STARD3NL: variants seen among roughly 807,000 people sequenced by gnomAD.
STARD3NL encodes the protein STARD3 N-terminal-like protein.
Under a neutral mutation model 30.9 loss-of-function variants are expected in STARD3NL, and 17 were observed. The observed-to-expected ratio is 0.55, with a 90% confidence interval of 0.38 to 0.82. STARD3NL has a LOEUF of 0.82. Ranked by LOEUF, STARD3NL falls within the 40% of genes least tolerant of loss-of-function variation. The pLI is 0.00. For synonymous variants in STARD3NL, 112 were observed against 100.5 expected (o/e 1.11, Z -0.69); for missense variants, 234 against 277.6 (o/e 0.84, Z 1.12).
chr7:38,196,351 G>T (rs1784896808), intron 1 of STARD3NL, among the ~76,000 whole-genome samples: 1 of 152,088 alleles, frequency 6.6e-6, no homozygotes, highest in Non-Finnish European at 1.5e-5. Context: ...ACTTGAGCAT[G>T]TGCCTGTCAG....
intron 1 of STARD3NL, among the ~76,000 whole-genome samples, chr7:38,199,282 GA>G (rs1785067434): frequency 6.6e-6 from 1 of 152,144 alleles, no homozygotes; most frequent in African/African-American, 2.4e-5. Flanking sequence ...ACCCCGGATT[GA>G]ATATTTAATA....
chr7:38,203,772 G>C (rs1001939459), intron 1 of STARD3NL, among the ~76,000 whole-genome samples: 1 of 152,094 alleles, frequency 6.6e-6, no homozygotes, highest in African/African-American at 2.4e-5. Context: ...CAAAATAAAG[G>C]GATGGAGGAA....
At chr7:38,228,095 A>G (rs756346886) in intron 7 of STARD3NL, among the ~76,000 whole-genome samples, 4 of 152,148 alleles carry the variant, frequency 2.6e-5, no homozygotes, top group Non-Finnish European at 4.4e-5. Context: ...CTTACAGCGC[A>G]TGCATTTTTC....
At chr7:38,179,910 G>C (rs1784179441) in intron 1 of STARD3NL, among the ~76,000 whole-genome samples, 1 of 152,166 alleles carries the variant, frequency 6.6e-6, no homozygotes, top group Admixed American at 6.5e-5. Flanking sequence ...GTGTAAAGGA[G>C]CTAAAGGAAG....
intron 8 of STARD3NL, 41 bp downstream of exon 8, chr7:38,228,912 G>A: frequency 3.5e-6 from 5 of 1,438,784 alleles, no homozygotes; most frequent in East Asian, 2.3e-5. Context: ...AAGTAGTTAA[G>A]TATGGAGATT....
chr7:38,200,844 A>G (rs995618717), intron 1 of STARD3NL, among the ~76,000 whole-genome samples: 5 of 152,218 alleles, frequency 3.3e-5, no homozygotes, highest in South Asian at 2.1e-4. Flanking sequence ...GTGTGCTGCA[A>G]GAGGCCATAT....
At chr7:38,224,572 C>A (rs769712430) in intron 7 of STARD3NL, among the ~76,000 whole-genome samples, 1 of 152,176 alleles carries the variant, frequency 6.6e-6, no homozygotes, top group Non-Finnish European at 1.5e-5. Flanking sequence ...CCCACACTCT[C>A]CTGCTTCGTC....
At chr7:38,215,288 A>G (rs997354858) in intron 4 of STARD3NL, 183 bp downstream of exon 4, 35 of 562,640 alleles carry the variant, frequency 6.2e-5, no homozygotes, top group Admixed American at 3.0e-4. Flanking sequence ...TCCAATGTTA[A>G]TGAGTAACTA....
At chr7:38,203,811 A>C (rs1785305197) in intron 1 of STARD3NL, among the ~76,000 whole-genome samples, 1 of 152,216 alleles carries the variant, frequency 6.6e-6, no homozygotes, top group African/African-American at 2.4e-5. Context: ...AAAACAAAAA[A>C]AGGCAGGGGT....
chr7:38,223,478 A>T (rs1350561470), intron 7 of STARD3NL, among the ~76,000 whole-genome samples: 1 of 152,194 alleles, frequency 6.6e-6, no homozygotes, highest in Non-Finnish European at 1.5e-5. Flanking sequence ...ACTTAAAATG[A>T]GGAATTGCTC....
chr7:38,206,332 T>A (rs1308255478), intron 1 of STARD3NL, among the ~76,000 whole-genome samples: 3 of 152,188 alleles, frequency 2.0e-5, no homozygotes, highest in Non-Finnish European at 2.9e-5. Context: ...TCTGCCCACG[T>A]TACATGCCAC....
intron 8 of STARD3NL, among the ~76,000 whole-genome samples, chr7:38,229,428 A>G (rs893628765): frequency 2.6e-5 from 4 of 152,268 alleles, no homozygotes; most frequent in African/African-American, 9.6e-5. Context: ...AGTCATGCTT[A>G]ATGGGCTCCA....
chr7:38,227,715 A>C (rs984673889), intron 7 of STARD3NL, among the ~76,000 whole-genome samples: 1 of 152,068 alleles, frequency 6.6e-6, no homozygotes. Flanking sequence ...CCATGCATTT[A>C]AAAAAGTGGA....
chr7:38,181,596 G>T (rs1784248180), intron 1 of STARD3NL, among the ~76,000 whole-genome samples: 1 of 152,086 alleles, frequency 6.6e-6, no homozygotes, highest in Admixed American at 6.5e-5. Flanking sequence ...TAACTTAATA[G>T]AATTTATCTT....
At chr7:38,221,849 G>T (rs1160465553) in intron 7 of STARD3NL, among the ~76,000 whole-genome samples, 1 of 152,100 alleles carries the variant, frequency 6.6e-6, no homozygotes, top group East Asian at 1.9e-4. Context: ...GTGCTCTAGG[G>T]CCCTCCAGCC....
intron 1 of STARD3NL, among the ~76,000 whole-genome samples, chr7:38,193,995 T>G (rs1263394256): frequency 6.6e-6 from 1 of 152,158 alleles, no homozygotes; most frequent in Non-Finnish European, 1.5e-5. Flanking sequence ...GGATTTTGTC[T>G]TTTATTTCAA....
At chr7:38,180,165 G>C (rs1356130075) in intron 1 of STARD3NL, among the ~76,000 whole-genome samples, 1 of 152,126 alleles carries the variant, frequency 6.6e-6, no homozygotes, top group Non-Finnish European at 1.5e-5. Flanking sequence ...GCTTTGTTTT[G>C]GTTATGAAAT....
At position 38,229,973 on chromosome 7, in the gene STARD3NL, G is replaced by A. The variant is rs1209497508; in HGVS notation, c.*68G>A. The A allele has an allele frequency of 2.0e-5, 3 of 152,600 alleles. No individual in the cohort carries two copies. Among genetic ancestry groups the A allele is most frequent in the African/African-American group, 7.2e-5 (3 of 41,450 alleles). The allele number at this position is 152,600 out of a possible 1,614,324, so 9.5% of individuals were successfully genotyped here. A position where few individuals can be genotyped will look rare whatever the true frequency, so the allele number is the denominator to read the frequency against. The stretch of plus-strand genomic sequence containing the variant: ...TCGAGGCAAAAAGAGGCAGGCAGTG[G>A]AGTCTCCCTGTCGACAGTAAAGTTG... On this transcript the variant is annotated 3_prime_UTR_variant, in exon 9 of 9. Transcript: ENST00000009041.
intron 2 of STARD3NL, among the ~76,000 whole-genome samples, chr7:38,212,392 ACTT>A (rs1464000375): frequency 6.6e-6 from 1 of 151,898 alleles, no homozygotes. Flanking sequence ...ATAGAATTCA[ACTT>A]CTTATTTTGC....
Sources: allele counts gnomAD v4.1 joint callset (sites outside exome capture counted in the v4.1 genomes callset), GRCh38; gene constraint gnomAD v4.1.1; transcripts MANE v1.5; gene names NCBI Gene and HGNC (gene_info 2026-07-23, HGNC 2026-07-21).